DENND1B: variants seen among roughly 807,000 people sequenced by gnomAD.
The protein encoded by DENND1B is DENN domain containing 1B, also known as DENN domain-containing protein 1B.
Under a neutral mutation model 90.1 loss-of-function variants are expected in DENND1B, and 59 were observed. The observed-to-expected ratio is 0.65, with a 90% CI of 0.53 to 0.81. DENND1B has a LOEUF of 0.81. DENND1B is among the 40% of genes least tolerant of loss of function. DENND1B has a pLI of 0.00. For synonymous variants in DENND1B, 337 were observed against 324.6 expected (o/e 1.04, Z -0.41); for missense variants, 862 against 912.6 (o/e 0.94, Z 0.71).
At chr1:197,750,919 A>G (rs1653422261) in intron 2 of DENND1B, among the ~76,000 whole-genome samples, 1 of 152,228 alleles carries the variant, frequency 6.6e-6, no homozygotes. Flanking sequence ...TATGCTTATT[A>G]CAACAGAGCT....
At chr1:197,719,086 A>G (rs567824899) in intron 2 of DENND1B, among the ~76,000 whole-genome samples, 14 of 152,158 alleles carry the variant, frequency 9.2e-5, no homozygotes, top group Non-Finnish European at 2.1e-4. Flanking sequence ...CCACAGTAAG[A>G]TGAGCCTCAG....
At chr1:197,652,554 T>A (rs1353143197) in intron 6 of DENND1B, among the ~76,000 whole-genome samples, 1 of 152,102 alleles carries the variant, frequency 6.6e-6, no homozygotes, top group African/African-American at 2.4e-5. Flanking sequence ...AGTATAAACA[T>A]GTATTTGAAA....
At chr1:197,689,217 G>A (rs1358829187) in intron 3 of DENND1B, 2 of 152,206 alleles carry the variant, frequency 1.3e-5, no homozygotes, top group African/African-American at 4.8e-5. Flanking sequence ...GAAGGCGAGG[G>A]AGGAACAAAG....
intron 2 of DENND1B, among the ~76,000 whole-genome samples, chr1:197,758,900 G>A (rs1654642318): frequency 6.7e-6 from 1 of 149,436 alleles, no homozygotes. Flanking sequence ...AGGTTCAAAA[G>A]GCACACTAAT....
At chr1:197,661,528 T>C (rs1654405509) in intron 5 of DENND1B, among the ~76,000 whole-genome samples, 1 of 152,110 alleles carries the variant, frequency 6.6e-6, no homozygotes, top group Non-Finnish European at 1.5e-5. Context: ...TCTGTTTCTA[T>C]CCAACTCTCA....
chr1:197,744,953 T>G (rs1425117640), intron 2 of DENND1B, among the ~76,000 whole-genome samples: 1 of 152,222 alleles, frequency 6.6e-6, no homozygotes, highest in Non-Finnish European at 1.5e-5. Flanking sequence ...ATGGCTTCTT[T>G]CCTTATCTCA....
At chr1:197,645,930 T>G (rs1463892818) in intron 8 of DENND1B, among the ~76,000 whole-genome samples, 187 bp from the exon 9 acceptor site, 1 of 151,794 alleles carries the variant, frequency 6.6e-6, no homozygotes, top group African/African-American at 2.4e-5. Context: ...AACAATTACA[T>G]TGCCATACAA....
chr1:197,568,750 A>G (rs999819364), intron 15 of DENND1B, among the ~76,000 whole-genome samples: 3 of 152,176 alleles, frequency 2.0e-5, no homozygotes, highest in Admixed American at 6.5e-5. Context: ...AAAATGGAGA[A>G]GGACATCCAT....
intron 12 of DENND1B, among the ~76,000 whole-genome samples, chr1:197,608,922 T>C (rs10801617): frequency 0.98 from 147,612 of 150,576 alleles, 72,426 homozygotes; most frequent in East Asian, 1. Context: ...GATTCCCTAA[T>C]ATGAAAATAA....
Position 197,546,745 on chromosome 1 carries a change from C to A in DENND1B, c.1269G>T (p.Val423=). ...GGNPRSYQQW[V]HTVKKGGALF... ...AGCTTATGATTACCTTGACTGTATGCACCCATTGTTGATATGACCTCGGGT... is the reference window on the plus strand; with the variant it reads ...AGCTTATGATTACCTTGACTGTATGAACCCATTGTTGATATGACCTCGGGT... Residue 423 remains valine (V), a synonymous_variant, in exon 17 of 23, where the codon GTG becomes GTT. Coordinates refer to ENST00000620048, the MANE Select transcript of DENND1B (RefSeq NM_001195215.2). The A allele has an allele frequency of 1.3e-6, 2 of 1,546,272 alleles. No individual in the cohort carries two copies. The highest frequency in any genetic ancestry group is 1.7e-6 in the Non-Finnish European group (2 of 1,145,758).
intron 2 of DENND1B, among the ~76,000 whole-genome samples, chr1:197,765,319 G>A (rs932761172): frequency 2.0e-5 from 3 of 152,156 alleles, no homozygotes; most frequent in Non-Finnish European, 4.4e-5. Context: ...CAAGGAAGAA[G>A]TATTATTTTG....
chr1:197,614,767 A>G (rs1017276231), intron 11 of DENND1B, among the ~76,000 whole-genome samples: 23 of 151,008 alleles, frequency 1.5e-4, no homozygotes, highest in African/African-American at 5.1e-4. Flanking sequence ...AAAAATACCT[A>G]TTCTCTCAGA....
intron 15 of DENND1B, among the ~76,000 whole-genome samples, chr1:197,560,393 C>A (rs1320072810): frequency 6.6e-6 from 1 of 151,670 alleles, no homozygotes; most frequent in East Asian, 1.9e-4. Flanking sequence ...AAATAAGAAA[C>A]AACAAATGAT....
At chr1:197,578,540 C>T (rs915917143) in intron 15 of DENND1B, among the ~76,000 whole-genome samples, 1 of 151,836 alleles carries the variant, frequency 6.6e-6, no homozygotes, top group Non-Finnish European at 1.5e-5. Context: ...CCACTGTGCC[C>T]GGCCTAAAAA....
At chr1:197,620,963 TGAAACCTAAC>T (rs1447502038) in intron 10 of DENND1B, among the ~76,000 whole-genome samples, 1 of 151,286 alleles carries the variant, frequency 6.6e-6, no homozygotes, top group Non-Finnish European at 1.5e-5. Context: ...ACATATGAAC[TGAAACCTAAC>T]TGAAGGGAGA....
intron 3 of DENND1B, among the ~76,000 whole-genome samples, chr1:197,692,095 T>C (rs1300140808): frequency 1.3e-5 from 2 of 151,758 alleles, no homozygotes; most frequent in Non-Finnish European, 2.9e-5. Context: ...ACAATTTGTT[T>C]ATAGAGTAGA....
chr1:197,707,880 G>C (rs1290498035), intron 3 of DENND1B, among the ~76,000 whole-genome samples: 1 of 149,166 alleles, frequency 6.7e-6, no homozygotes. Context: ...CGCACCGTGC[G>C]CGAGCCGAAG....
At chr1:197,625,792 T>C (rs1392912822) in intron 10 of DENND1B, among the ~76,000 whole-genome samples, 6 of 151,766 alleles carry the variant, frequency 4.0e-5, no homozygotes, top group African/African-American at 7.3e-5. Flanking sequence ...GAGACACACA[T>C]AGGACATAGG....
intron 3 of DENND1B, among the ~76,000 whole-genome samples, chr1:197,701,320 A>G (rs1395895014): frequency 3.3e-5 from 5 of 152,190 alleles, no homozygotes; most frequent in Admixed American, 3.3e-4. Flanking sequence ...TCAGCAAACT[A>G]ACACAGGAAC....
Sources: allele counts gnomAD v4.1 joint callset (sites outside exome capture counted in the v4.1 genomes callset), GRCh38; gene constraint gnomAD v4.1.1; transcripts MANE v1.5; gene names NCBI Gene and HGNC (gene_info 2026-07-23, HGNC 2026-07-21).